The following MACROD2 variants were observed in gnomAD, a reference collection of about 807,000 sequenced individuals.
The protein encoded by MACROD2 is ADP-ribose glycohydrolase MACROD2.
A neutral mutation model predicts 70.4 loss-of-function variants in MACROD2; 36 were observed. The observed-to-expected ratio is 0.51, with a 90% confidence interval of 0.39 to 0.68. The LOEUF (loss-of-function observed/expected upper bound fraction) is 0.68, where lower values mean the gene tolerates loss of function less well. Among genes scored for constraint, MACROD2 ranks in the 30% least tolerant of loss-of-function variants. MACROD2 has a pLI of 0.00. For missense variants in MACROD2, 496 were observed against 538.4 expected (o/e 0.92, Z 0.78); for synonymous variants, 172 against 178.8 (o/e 0.96, Z 0.30).
chr20:15,757,372 A>G (rs1056334447), intron 8 of MACROD2, among the ~76,000 whole-genome samples: 5 of 149,634 alleles, frequency 3.3e-5, no homozygotes, highest in African/African-American at 1.2e-4. Flanking sequence ...TAGTAGGGCA[A>G]TTTTTTTTTT....
chr20:14,190,648 C>T (rs1453749314), intron 3 of MACROD2, among the ~76,000 whole-genome samples: 3 of 127,904 alleles, frequency 2.3e-5, no homozygotes, highest in Non-Finnish European at 4.7e-5. Context: ...CACCACTTTG[C>T]TGAGGAAAAG....
intron 9 of MACROD2, among the ~76,000 whole-genome samples, chr20:15,876,367 GTT>G (rs890512528): frequency 1.3e-5 from 2 of 151,768 alleles, no homozygotes; most frequent in Admixed American, 6.6e-5. Context: ...TGCAGTGTTT[GTT>G]TTTTTGTCCT....
intron 8 of MACROD2, among the ~76,000 whole-genome samples, chr20:15,748,487 T>C (rs2051219108): frequency 6.6e-6 from 1 of 151,978 alleles, no homozygotes; most frequent in Admixed American, 6.6e-5. Flanking sequence ...TGGTGGAATA[T>C]AGGTTATAAT....
intron 5 of MACROD2, among the ~76,000 whole-genome samples, chr20:14,705,954 A>AT (rs904496495): frequency 1.9e-4 from 28 of 150,708 alleles, no homozygotes; most frequent in African/African-American, 4.9e-4. Context: ...AATAAGCCTG[A>AT]TTTTTTTTAA....
At chr20:15,697,040 G>T (rs941553340) in intron 8 of MACROD2, among the ~76,000 whole-genome samples, 1 of 151,628 alleles carries the variant, frequency 6.6e-6, no homozygotes, top group African/African-American at 2.4e-5. Flanking sequence ...TGTCTTTTTT[G>T]TTCCAATTTC....
chr20:15,040,273 C>T (rs1048117375), intron 5 of MACROD2, among the ~76,000 whole-genome samples: 1 of 151,404 alleles, frequency 6.6e-6, no homozygotes, highest in African/African-American at 2.4e-5. Context: ...CGAGATCGCG[C>T]CACTGCACTC....
chr20:14,851,474 G>A (rs535814819), intron 5 of MACROD2, among the ~76,000 whole-genome samples: 1 of 152,206 alleles, frequency 6.6e-6, no homozygotes, highest in South Asian at 2.1e-4. Context: ...GAAAATTCCT[G>A]GTAGATGGTT....
At chr20:14,439,506 G>T (rs1190158543) in intron 3 of MACROD2, among the ~76,000 whole-genome samples, 16 of 151,858 alleles carry the variant, frequency 1.1e-4, no homozygotes, top group Admixed American at 5.9e-4. Flanking sequence ...TAGGGATTTT[G>T]TGTGTGTGTG....
At chr20:14,278,836 C>T (rs1568535165) in intron 3 of MACROD2, among the ~76,000 whole-genome samples, 1 of 148,978 alleles carries the variant, frequency 6.7e-6, no homozygotes, top group East Asian at 2.0e-4. Context: ...TTAAGTAAGA[C>T]TTATTTAAAT....
intron 6 of MACROD2, among the ~76,000 whole-genome samples, chr20:15,347,797 C>A (rs1045794354): frequency 1.3e-5 from 2 of 152,174 alleles, no homozygotes; most frequent in South Asian, 2.1e-4. Flanking sequence ...AGTACATCTT[C>A]TAACTTCAAC....
chr20:15,263,700 A>G (rs1220833897), intron 6 of MACROD2, among the ~76,000 whole-genome samples: 1 of 151,954 alleles, frequency 6.6e-6, no homozygotes, highest in East Asian at 1.9e-4. Context: ...TGTCCTCTTC[A>G]ATTTTCTGCA....
At chr20:14,439,766 TAGAA>T (rs2084100741) in intron 3 of MACROD2, among the ~76,000 whole-genome samples, 1 of 152,206 alleles carries the variant, frequency 6.6e-6, no homozygotes, top group African/African-American at 2.4e-5. Flanking sequence ...GCTAGACACA[TAGAA>T]AGAACTGAAT....
intron 3 of MACROD2, among the ~76,000 whole-genome samples, chr20:14,298,614 CATAG>C (rs2082448104): frequency 6.6e-6 from 1 of 150,958 alleles, no homozygotes; most frequent in African/African-American, 2.5e-5. Context: ...CTACTGCTGC[CATAG>C]ATAGTGTTTC....
chr20:14,260,783 G>A (rs548702206), intron 3 of MACROD2, among the ~76,000 whole-genome samples: 2 of 152,262 alleles, frequency 1.3e-5, no homozygotes, highest in African/African-American at 4.8e-5. Flanking sequence ...ATGCTCTTGT[G>A]AGCATTAAAT....
chr20:14,634,755 T>A (rs1455065066), intron 4 of MACROD2, among the ~76,000 whole-genome samples: 2 of 152,230 alleles, frequency 1.3e-5, no homozygotes, highest in African/African-American at 4.8e-5. Flanking sequence ...AGGCATAGCA[T>A]GTTTAAAAGT....
intron 5 of MACROD2, among the ~76,000 whole-genome samples, chr20:14,873,219 TCTAAA>T (rs1014465424): frequency 6.6e-6 from 1 of 152,190 alleles, no homozygotes; most frequent in Non-Finnish European, 1.5e-5. Context: ...GTTTTTATCA[TCTAAA>T]CTTATTGAGT....
intron 3 of MACROD2, among the ~76,000 whole-genome samples, chr20:14,311,187 C>T (rs1165892776): frequency 2.0e-5 from 3 of 152,176 alleles, no homozygotes. Context: ...TTCCAGTCCT[C>T]CAAGCTCCAT....
At chr20:14,113,366 AT>A (rs1416572289) in intron 3 of MACROD2, among the ~76,000 whole-genome samples, 1 of 152,052 alleles carries the variant, frequency 6.6e-6, no homozygotes, top group African/African-American at 2.4e-5. Context: ...CATTTCTGTC[AT>A]GTCCAAAATT....
Position 15,220,589 on chromosome 20 carries a change from G to A in MACROD2, c.419-9351G>A, listed in dbSNP as rs568336410. On this transcript the variant is annotated intron_variant, in intron 5 of 17. Transcript: ENST00000684519. Reference sequence around the variant, plus strand: ...CGATGGAAACTTCTCAGAAATGTTCGTGTTCAAAGTCATATTAATGGTTTA... The same window carrying A: ...CGATGGAAACTTCTCAGAAATGTTCATGTTCAAAGTCATATTAATGGTTTA... Among the ~76,000 whole-genome samples, 12 of 152,336 alleles carry A rather than the reference G, an allele frequency of 7.9e-5. No homozygotes were observed. In the South Asian group the frequency reaches 1.7e-3, roughly 21 times the overall value.
Sources: allele counts gnomAD v4.1 joint callset (sites outside exome capture counted in the v4.1 genomes callset), GRCh38; gene constraint gnomAD v4.1.1; transcripts MANE v1.5; gene names NCBI Gene and HGNC (gene_info 2026-07-23, HGNC 2026-07-21).